TCF20: variants seen among roughly 807,000 people sequenced by gnomAD.
TCF20 encodes SPRE-binding protein.
In TCF20, 3 loss-of-function variants were observed where a neutral mutation model predicts 148.6. The ratio of observed to expected loss-of-function variants is 0.02; its 90% CI spans 0.01 to 0.05. The LOEUF is 0.05. Ranked by LOEUF, TCF20 falls within the 10% of genes least tolerant of loss-of-function variation. The pLI is 1.00. For missense variants in TCF20, 2,350 were observed against 2,429.3 expected (o/e 0.97, Z 0.69); for synonymous variants, 1,049 against 909.5 (o/e 1.15, Z -2.76).
At chr22:42,171,294 G>C (rs1341940534) in intron 3 of TCF20, among the ~76,000 whole-genome samples, 1 of 152,148 alleles carries the variant, frequency 6.6e-6, no homozygotes, top group Non-Finnish European at 1.5e-5. Flanking sequence ...AGGCACCATG[G>C]CAGGAGGCAG....
chr22:42,222,606 TCTCAACTTGGA>T (rs1569161868), intron 1 of TCF20, among the ~76,000 whole-genome samples: 1 of 152,062 alleles, frequency 6.6e-6, no homozygotes, highest in Non-Finnish European at 1.5e-5. Context: ...CTCACCTTGG[TCTCAACTTGGA>T]GCCTTTTAAG....
intron 1 of TCF20, among the ~76,000 whole-genome samples, chr22:42,275,794 G>A (rs1926764936): frequency 1.3e-5 from 2 of 152,188 alleles, no homozygotes; most frequent in African/African-American, 4.8e-5. Context: ...GAGTCACTCA[G>A]GGCACTACAA....
chr22:42,299,521 G>A lies in TCF20; in HGVS notation c.-37+43958C>T, dbSNP rs539330450. ...GAACAGAACATGCTGGCAGTGGTGGGTCACCCAGGAACCCCGAGGAACTGG... is the reference window on the plus strand; with the variant it reads ...GAACAGAACATGCTGGCAGTGGTGGATCACCCAGGAACCCCGAGGAACTGG... On this transcript the variant is annotated intron_variant, in intron 1 of 1. Coordinates refer to the TCF20 transcript ENST00000515426. This position sits in a 1 kb window ranked among gnomAD's most constrained non-coding sequence, Gnocchi z 4.1. 1.3e-5 allele frequency among the ~76,000 whole-genome samples: 2 copies of A among 152,220 alleles called. No homozygotes were observed. Among genetic ancestry groups the A allele is most frequent in the African/African-American group, 4.8e-5 (2 of 41,460 alleles).
rs572981804 is a variant in TCF20 at position 42,310,591 on chromosome 22, G to A, written c.-37+32888C>T. On this transcript the variant is annotated intron_variant, in intron 1 of 1. Coordinates refer to the TCF20 transcript ENST00000515426. ...CCAGGCAGAGCCCTGAGGAGGAAAG[G>A]AGTATGGCTCGTGGAAGTGGCAGCC... is the stretch of plus-strand genomic sequence containing the variant. 6.6e-5 allele frequency among the ~76,000 whole-genome samples: 10 copies of A among 152,264 alleles called. No individual in the cohort carries two copies. The East Asian group carries it at 9.6e-4, about 15-fold the overall frequency.
chr22:42,212,002 T>A lies in TCF20; in HGVS notation c.3304A>T (p.Ser1102Cys). 6.2e-7 allele frequency: 1 copy of A among 1,614,218 alleles called. No individual in the cohort carries two copies. Among genetic ancestry groups the A allele is most frequent in the Non-Finnish European group, 8.5e-7 (1 of 1,180,044 alleles). The change falls in exon 2 of 6, where the codon AGC (serine) becomes TGC (cysteine). Residue 1102 changes from serine to cysteine, a missense_variant. Physicochemically the swap from Ser to Cys is moderately radical, Grantham distance 112. Around this residue, in one of 7 missense-constraint regions of TCF20, gnomAD observed 1,641 missense variants for 1,662.6 expected, o/e 0.99. Transcript: ENST00000677622. Reference protein sequence around the residue: ...QQPEEYKDWSSGSAQGVIAAA... With the variant: ...QQPEEYKDWSCGSAQGVIAAA... ...GCAATTACTCCCTGAGCAGAACCGCTGCTCCAGTCTTTATACTCCTCTGGT... is the reference window on the plus strand; with the variant it reads ...GCAATTACTCCCTGAGCAGAACCGCAGCTCCAGTCTTTATACTCCTCTGGT...
chr22:42,161,976 T>TTTTTTTTTTC (rs1312905261), intron 5 of TCF20, among the ~76,000 whole-genome samples: 5 of 73,742 alleles, frequency 6.8e-5, no homozygotes, highest in African/African-American at 2.9e-4. Context: ...GACAGTCTTT[T>TTTTTTTTTTC]TTTTTTTTTT....
At chr22:42,188,320 A>AAAAAAAAAT (rs1937153579) in intron 2 of TCF20, among the ~76,000 whole-genome samples, 1 of 148,706 alleles carries the variant, frequency 6.7e-6, no homozygotes, top group Non-Finnish European at 1.5e-5. Flanking sequence ...AAAAAAAAAA[A>AAAAAAAAAT]TCCAGATTCT....
At chr22:42,209,449 T>A (rs376993832) in intron 2 of TCF20, among the ~76,000 whole-genome samples, 1 of 152,212 alleles carries the variant, frequency 6.6e-6, no homozygotes, top group Non-Finnish European at 1.5e-5. Context: ...TTCATAAGCA[T>A]TATACATTTC....
intron 1 of TCF20, among the ~76,000 whole-genome samples, chr22:42,255,746 C>T (rs557950674): frequency 7.9e-5 from 12 of 152,064 alleles, no homozygotes; most frequent in Admixed American, 2.6e-4. Flanking sequence ...CATCTGTTTC[C>T]GGCCCTCCCC....
At chr22:42,250,219 A>G (rs2041540833) in intron 1 of TCF20, among the ~76,000 whole-genome samples, 1 of 152,160 alleles carries the variant, frequency 6.6e-6, no homozygotes, top group African/African-American at 2.4e-5. Context: ...CGGGCAGATC[A>G]CCCAAGGTCA....
At position 42,240,805 on chromosome 22, in the gene TCF20, T is replaced by C. The variant is rs138985384; in HGVS notation, c.-36-25464A>G. 3.0e-3 allele frequency among the ~76,000 whole-genome samples: 453 copies of C among 152,146 alleles called. 8 individuals are homozygous for C. In the East Asian group the frequency reaches 0.033, roughly 11 times the overall value. On this transcript the variant is annotated intron_variant, in intron 1 of 5. Transcript: ENST00000677622. ...AAGTAGAAGTAAATAAGCCCTCCCATGGACTCAGCTTCAAACCATCTGGAT... is the reference window on the plus strand; with the variant it reads ...AAGTAGAAGTAAATAAGCCCTCCCACGGACTCAGCTTCAAACCATCTGGAT...
At chr22:42,269,253 A>T (rs1926459193) in intron 1 of TCF20, among the ~76,000 whole-genome samples, 1 of 152,162 alleles carries the variant, frequency 6.6e-6, no homozygotes, top group Admixed American at 6.5e-5. Flanking sequence ...TAGCTCGAAA[A>T]TTCCATCCAT....
Position 42,211,378 on chromosome 22 carries a change from AC to A in TCF20, c.3927del (p.Lys1309AsnfsTer42). 1.2e-6 allele frequency: 2 copies of A among 1,614,178 alleles called. No individual in the cohort carries two copies. The highest frequency in any genetic ancestry group is 2.2e-5 in the South Asian group (2 of 91,076). ...TTGGAGGAATCTCTCTTAGGGATAG[AC>A]TTGATATCCTGACTGTGAGAAAGAT... ...YAHLSHSQDI[K>X]SIPKRDSSKD... is the part of the protein sequence containing the mutation. On this transcript the variant is annotated frameshift_variant, in exon 2 of 6. Coordinates refer to ENST00000677622, the MANE Select transcript of TCF20 (RefSeq NM_001378418.1). LOFTEE classifies it high-confidence loss of function.
In TCF20 at chr22:42,209,815, T is replaced by C. The variant is rs145292779; in HGVS notation, c.5491A>G (p.Thr1831Ala). The change falls in exon 2 of 6, where the codon ACT becomes GCT. Residue 1831 changes from threonine to alanine, a missense_variant. Physicochemically the swap from Thr to Ala is moderately conservative, Grantham distance 58. Coordinates refer to ENST00000677622, the MANE Select transcript of TCF20 (RefSeq NM_001378418.1). ...VLDSKPSVPT[T>A]SEGGPELELQ... ...TCCAGCTCAGGGCCACCTTCTGAAG[T>C]GGTGGGCACGGAGGGCTTCGAGTCC... The C allele has an allele frequency of 1.8e-4, 292 of 1,614,102 alleles. No homozygotes were observed. The highest frequency in any genetic ancestry group is 1.3e-3 in the Admixed American group (76 of 60,006).
intron 1 of TCF20, among the ~76,000 whole-genome samples, chr22:42,302,897 C>T (rs1265664671): frequency 6.6e-6 from 1 of 152,210 alleles, no homozygotes; most frequent in Non-Finnish European, 1.5e-5. Context: ...TTAATAGATG[C>T]TGGGGTGACT....
intron 3 of TCF20, among the ~76,000 whole-genome samples, chr22:42,173,672 T>A (rs909569): frequency 6.6e-6 from 1 of 152,154 alleles, no homozygotes. Flanking sequence ...AAGAAGACTG[T>A]GTGGAATAAT....
At chr22:42,260,559 T>C (rs553509575) in intron 1 of TCF20, among the ~76,000 whole-genome samples, 2 of 152,316 alleles carry the variant, frequency 1.3e-5, no homozygotes, top group East Asian at 1.9e-4. Context: ...ATATGGTTTT[T>C]GTGAGGCACA....
At chr22:42,244,467 A>G (rs1167313829) in intron 1 of TCF20, among the ~76,000 whole-genome samples, 1 of 152,232 alleles carries the variant, frequency 6.6e-6, no homozygotes, top group African/African-American at 2.4e-5. Flanking sequence ...AAAAGGAATG[A>G]AGTACTCATA....
intron 1 of TCF20, among the ~76,000 whole-genome samples, chr22:42,298,916 G>A (rs1291927615): frequency 1.3e-5 from 2 of 152,180 alleles, no homozygotes; most frequent in South Asian, 2.1e-4. Flanking sequence ...GCCTCAAGTC[G>A]GGGGAGGACG....
Sources: allele counts gnomAD v4.1 joint callset (sites outside exome capture counted in the v4.1 genomes callset), GRCh38; gene constraint gnomAD v4.1.1; regional missense constraint gnomAD v4.1.1; non-coding constraint Gnocchi (gnomAD v3.1); transcripts MANE v1.5; gene names NCBI Gene and HGNC (gene_info 2026-07-23, HGNC 2026-07-21).